CCDC7: variants seen among roughly 807,000 people sequenced by gnomAD.
CCDC7 encodes coiled-coil domain-containing protein 7.
Under a neutral mutation model 196.9 loss-of-function variants are expected in CCDC7, and 183 were observed. The observed-to-expected ratio is 0.93, with a 90% CI of 0.82 to 1.05. CCDC7 has a LOEUF of 1.05. CCDC7 is among the 50% of genes least tolerant of loss of function. The pLI is 0.00. For synonymous variants in CCDC7, 525 were observed against 484.6 expected (o/e 1.08, Z -1.10); for missense variants, 1,540 against 1,482.2 (o/e 1.04, Z -0.64).
At chr10:32,643,463 C>CT (rs1018255643) in intron 20 of CCDC7, among the ~76,000 whole-genome samples, 2 of 151,650 alleles carry the variant, frequency 1.3e-5, no homozygotes, top group Admixed American at 1.3e-4. Context: ...GTGTGACTGT[C>CT]TTTTTTTATT....
At chr10:32,567,362 T>A (rs1186209843) in intron 14 of CCDC7, among the ~76,000 whole-genome samples, 1 of 152,002 alleles carries the variant, frequency 6.6e-6, no homozygotes, top group African/African-American at 2.4e-5. Flanking sequence ...ATTTTTATAA[T>A]GTATACCTTA....
chr10:32,594,530 A>T (rs2060115897), intron 18 of CCDC7, among the ~76,000 whole-genome samples: 1 of 152,174 alleles, frequency 6.6e-6, no homozygotes, highest in Non-Finnish European at 1.5e-5. Context: ...TCCTAATTGA[A>T]TACCCTTTAT....
At chr10:32,695,352 C>T (rs2077577833) in intron 24 of CCDC7, among the ~76,000 whole-genome samples, 1 of 152,122 alleles carries the variant, frequency 6.6e-6, no homozygotes, top group African/African-American at 2.4e-5. Context: ...AATTGGCAAA[C>T]AGAGAGATTG....
At chr10:32,500,629 A>G (rs1163116717) in intron 9 of CCDC7, among the ~76,000 whole-genome samples, 2 of 152,054 alleles carry the variant, frequency 1.3e-5, no homozygotes, top group African/African-American at 4.8e-5. Flanking sequence ...GACGCTCCTC[A>G]CTTCCAAGAT....
At position 32,771,658 on chromosome 10, in the gene CCDC7, C is replaced by T. The variant is rs769500550; in HGVS notation, c.2906-7319C>T. ...TCCTCAAGTTTTCCAGTAGTGGGTACCAGCACCAGCTTTAATGGGGGTGGC... is the reference window on the plus strand; with the variant it reads ...TCCTCAAGTTTTCCAGTAGTGGGTATCAGCACCAGCTTTAATGGGGGTGGC... On this transcript the variant is annotated intron_variant, in intron 28 of 41. Transcript: ENST00000639629. Among the ~76,000 whole-genome samples the T allele has an allele frequency of 6.8e-4, 104 of 152,272 alleles. 1 individual carries two copies. The Middle Eastern group carries it at 0.014, about 20-fold the overall frequency.
intron 29 of CCDC7, among the ~76,000 whole-genome samples, chr10:32,791,887 C>G (rs992958073): frequency 6.6e-6 from 1 of 152,084 alleles, no homozygotes; most frequent in Non-Finnish European, 1.5e-5. Flanking sequence ...AGTTCTCAAA[C>G]AGATTCAGTC....
At chr10:32,559,453 C>A (rs1288014816) in intron 13 of CCDC7, among the ~76,000 whole-genome samples, 1 of 152,334 alleles carries the variant, frequency 6.6e-6, no homozygotes, top group East Asian at 1.9e-4. Flanking sequence ...CCTCACACGG[C>A]CGGGTACTCC....
intron 20 of CCDC7, among the ~76,000 whole-genome samples, chr10:32,657,152 G>C (rs941508329): frequency 7.9e-5 from 12 of 152,194 alleles, no homozygotes; most frequent in Non-Finnish European, 1.2e-4. Context: ...TTCACAGCTG[G>C]CCTTGAGTGT....
chr10:32,633,273 A>G (rs960183004), intron 18 of CCDC7, among the ~76,000 whole-genome samples: 7 of 152,200 alleles, frequency 4.6e-5, no homozygotes, highest in Admixed American at 6.5e-5. Context: ...ACAAACATGC[A>G]TATACATGCA....
At chr10:32,569,613 A>C (rs2057311733) in intron 15 of CCDC7, among the ~76,000 whole-genome samples, 1 of 152,162 alleles carries the variant, frequency 6.6e-6, no homozygotes, top group South Asian at 2.1e-4. Flanking sequence ...TTTTTAGTAG[A>C]GACGGAGTTT....
intron 18 of CCDC7, among the ~76,000 whole-genome samples, chr10:32,622,880 TAATAA>T (rs1195876585): frequency 6.6e-6 from 1 of 152,120 alleles, no homozygotes; most frequent in African/African-American, 2.4e-5. Flanking sequence ...TAGATATTAT[TAATAA>T]TAATAAAATG....
At chr10:32,553,321 A>C (rs376118565) in intron 13 of CCDC7, among the ~76,000 whole-genome samples, 1 of 150,780 alleles carries the variant, frequency 6.6e-6, no homozygotes, top group Non-Finnish European at 1.5e-5. Context: ...TTCTCCCTTC[A>C]CTTGTTGTAT....
intron 24 of CCDC7, among the ~76,000 whole-genome samples, chr10:32,695,986 C>T (rs1220151850): frequency 2.2e-5 from 2 of 89,362 alleles, no homozygotes; most frequent in Non-Finnish European, 4.8e-5. Flanking sequence ...TTAAGCACAG[C>T]AATGAAGACT....
chr10:32,872,116 T>G (rs2136846866), intron 41 of CCDC7, among the ~76,000 whole-genome samples: 1 of 152,258 alleles, frequency 6.6e-6, no homozygotes, highest in South Asian at 2.1e-4. Context: ...TAGATGTCTA[T>G]TAGTTCCGCT....
At chr10:32,491,415 A>G (rs900275318) in intron 8 of CCDC7, among the ~76,000 whole-genome samples, 3 of 152,180 alleles carry the variant, frequency 2.0e-5, no homozygotes, top group Admixed American at 6.5e-5. Context: ...TCTTTTAAGT[A>G]GCATCTTAGG....
intron 25 of CCDC7, chr10:32,725,527 C>A: frequency 2.5e-6 from 1 of 402,272 alleles, no homozygotes; most frequent in South Asian, 1.9e-5. Context: ...TGTGTTCATG[C>A]ATTTTGTATT....
At chr10:32,798,260 G>C (rs1379714177) in intron 29 of CCDC7, among the ~76,000 whole-genome samples, 2 of 152,202 alleles carry the variant, frequency 1.3e-5, no homozygotes, top group African/African-American at 4.8e-5. Flanking sequence ...GTGCCATATA[G>C]AGGGCTCAGT....
chr10:32,574,572 C>G lies in CCDC7; in HGVS notation c.1454+2679C>G, dbSNP rs1384586573. 6.0e-6 allele frequency: 7 copies of G among 1,162,022 alleles called. No homozygotes were observed. The East Asian group carries it at 1.5e-4, about 25-fold the overall frequency. The allele number at this position is 1,162,022 out of a possible 1,614,324, so 72.0% of individuals were successfully genotyped here. A position where few individuals can be genotyped will look rare whatever the true frequency, so the allele number is the denominator to read the frequency against. ...CATTTTTGCTCTTTACAACATTTAT[C>G]AGTTTATTTTGGCTTAGGGAATGAG... On this transcript the variant is annotated intron_variant, in intron 16 of 41. Coordinates refer to ENST00000639629, the Ensembl canonical transcript of CCDC7.
chr10:32,512,181 TCC>T (rs2046324763), intron 9 of CCDC7: 3 of 166,990 alleles, frequency 1.8e-5, no homozygotes, highest in Non-Finnish European at 3.9e-5. Flanking sequence ...AAGATATGAT[TCC>T]TTTTTGGTGA....
Sources: gnomAD v4.1 joint callset for allele counts (sites outside exome capture counted in the v4.1 genomes callset) on GRCh38, gnomAD v4.1.1 for gene constraint, MANE v1.5 for transcripts, NCBI Gene and HGNC (gene_info 2026-07-23, HGNC 2026-07-21) for gene names.